Variants in UBE2E2 observed in about 807,000 individuals in gnomAD.
UBE2E2 encodes ubiquitin-conjugating enzyme E2 E2.
In UBE2E2, 6 loss-of-function variants were observed where a neutral mutation model predicts 24.7. The observed-to-expected ratio is 0.24, with a 90% CI of 0.13 to 0.48. The LOEUF (loss-of-function observed/expected upper bound fraction) is 0.48, where lower values mean the gene tolerates loss of function less well. UBE2E2 is among the 20% of genes least tolerant of loss of function. The probability of loss-of-function intolerance (pLI) is 0.99; values close to 1 mark genes in which losing one functional copy is unlikely to be tolerated. For synonymous variants in UBE2E2, 104 were observed against 83.6 expected (o/e 1.24, Z -1.33); for missense variants, 169 against 245.0 (o/e 0.69, Z 2.07).
chr3:23,240,943 T>A (rs78987685), intron 3 of UBE2E2, among the ~76,000 whole-genome samples: 2,467 of 152,324 alleles, frequency 0.016, 38 homozygotes, highest in Non-Finnish European at 0.026. Context: ...GGTTTAATTT[T>A]ATTTAAATTT....
chr3:23,570,155 T>C (rs1392307609), intron 5 of UBE2E2, among the ~76,000 whole-genome samples: 1 of 152,184 alleles, frequency 6.6e-6, no homozygotes, highest in Non-Finnish European at 1.5e-5. Flanking sequence ...GTACCTCCTT[T>C]TTCCCCCTAA....
At chr3:23,459,211 G>A (rs1417123495) in intron 3 of UBE2E2, among the ~76,000 whole-genome samples, 1 of 152,076 alleles carries the variant, frequency 6.6e-6, no homozygotes, top group East Asian at 1.9e-4. Context: ...ATTCTATAAG[G>A]GCTACCCTTT....
At position 23,407,124 on chromosome 3, in the gene UBE2E2, A is replaced by T. The variant is rs1420172138; in HGVS notation, c.228-92484A>T. Among the ~76,000 whole-genome samples the T allele has an allele frequency of 2.0e-5, 3 of 152,182 alleles. No individual in the cohort carries two copies. The highest frequency in any genetic ancestry group is 4.4e-5 in the Non-Finnish European group (3 of 68,022). ...CACATGTTGAAGATATTCTCCAAAG[A>T]TGTCATCAAGAAGGTATAGTCTCCC... On this transcript the variant is annotated intron_variant, in intron 3 of 5. Transcript: ENST00000396703. This position sits in a 1 kb window ranked among gnomAD's most constrained non-coding sequence, Gnocchi z 4.0.
intron 3 of UBE2E2, among the ~76,000 whole-genome samples, chr3:23,365,895 A>C (rs1177871874): frequency 1.3e-5 from 2 of 152,222 alleles, no homozygotes; most frequent in Non-Finnish European, 2.9e-5. Flanking sequence ...AAAAAGCACA[A>C]TAGTGGTACA....
intron 3 of UBE2E2, among the ~76,000 whole-genome samples, chr3:23,440,119 C>CAAAACCCCATCTCTACT (rs1320150522): frequency 6.6e-6 from 1 of 151,936 alleles, no homozygotes; most frequent in Non-Finnish European, 1.5e-5. Context: ...ACTAAAAATA[C>CAAAACCCCATCTCTACT]AAAAATTAGC....
In UBE2E2 at chr3:23,499,758, A is replaced by G. The variant is rs1272906529; in HGVS notation, c.360+18A>G. ...CCCCTAAGGTCAGTATGAAGTTTTC[A>G]TTGATTTTTAGCAATATGGATTATA... On this transcript the variant is annotated intron_variant, in intron 4 of 5. Coordinates refer to ENST00000396703, the MANE Select transcript of UBE2E2 (RefSeq NM_152653.4). The G allele has an allele frequency of 6.2e-7, 1 of 1,607,016 alleles. No homozygotes were observed. Among genetic ancestry groups the G allele is most frequent in the East Asian group, 2.2e-5 (1 of 44,822 alleles).
intron 4 of UBE2E2, among the ~76,000 whole-genome samples, chr3:23,505,314 T>C (rs1462474846): frequency 6.6e-6 from 1 of 152,038 alleles, no homozygotes; most frequent in Admixed American, 6.6e-5. Flanking sequence ...TGCATAGGGG[T>C]AACGCATTTT....
At position 23,280,853 on chromosome 3, in the gene UBE2E2, C is replaced by T. The variant is rs1233366041; in HGVS notation, c.227+63541C>T. ...TTCTTAGAGAATATCTTAGTTTGGGCTGCTGTAACAGAATAAGTCTGGGTG... is the reference window on the plus strand; with the variant it reads ...TTCTTAGAGAATATCTTAGTTTGGGTTGCTGTAACAGAATAAGTCTGGGTG... On this transcript the variant is annotated intron_variant, in intron 3 of 5. Transcript: ENST00000396703. The surrounding 1 kb of genome is among the most constrained non-coding windows in gnomAD (Gnocchi z 4.3). 6.6e-6 allele frequency among the ~76,000 whole-genome samples: 1 copy of T among 152,170 alleles called. No individual in the cohort carries two copies. The highest frequency in any genetic ancestry group is 1.5e-5 in the Non-Finnish European group (1 of 68,034).
At chr3:23,373,444 C>G (rs1356652180) in intron 3 of UBE2E2, among the ~76,000 whole-genome samples, 1 of 152,146 alleles carries the variant, frequency 6.6e-6, no homozygotes, top group Non-Finnish European at 1.5e-5. Context: ...GTTCAAGATT[C>G]CACTAGTTTC....
At chr3:23,381,674 A>C (rs923007789) in intron 3 of UBE2E2, among the ~76,000 whole-genome samples, 2 of 152,234 alleles carry the variant, frequency 1.3e-5, no homozygotes, top group Admixed American at 1.3e-4. Context: ...GATACTGTAT[A>C]ACATTTTATG....
intron 3 of UBE2E2, among the ~76,000 whole-genome samples, chr3:23,485,491 G>T (rs1699346665): frequency 6.6e-6 from 1 of 151,936 alleles, no homozygotes; most frequent in Non-Finnish European, 1.5e-5. Flanking sequence ...TTTTCTTCTT[G>T]AACAGGTCTG....
chr3:23,480,181 G>A (rs1368545704), intron 3 of UBE2E2, among the ~76,000 whole-genome samples: 2 of 152,210 alleles, frequency 1.3e-5, no homozygotes, highest in Non-Finnish European at 2.9e-5. Flanking sequence ...TGCACTCGTA[G>A]GTGTCTAAAG....
chr3:23,469,962 A>G (rs1698999174), intron 3 of UBE2E2, among the ~76,000 whole-genome samples: 2 of 152,222 alleles, frequency 1.3e-5, no homozygotes, highest in Admixed American at 6.5e-5. Flanking sequence ...TTATCTGACA[A>G]GCAACCATGT....
At chr3:23,476,638 T>A (rs564358573) in intron 3 of UBE2E2, among the ~76,000 whole-genome samples, 1 of 152,236 alleles carries the variant, frequency 6.6e-6, no homozygotes, top group African/African-American at 2.4e-5. Context: ...CAGTGAGCTG[T>A]GATCATGCCC....
In UBE2E2 at chr3:23,440,887, T is replaced by C. The variant is rs182437736; in HGVS notation, c.228-58721T>C. On this transcript the variant is annotated intron_variant, in intron 3 of 5. Transcript: ENST00000396703. ...GTAACTGGTTCTTGTTACGGCAATG[T>C]AGCTGTATATTTAAATCCTAAGAGA... Among the ~76,000 whole-genome samples the C allele has an allele frequency of 1.3e-3, 197 of 152,294 alleles. 2 individuals are homozygous for C. The highest frequency in any genetic ancestry group is 2.5e-3 in the South Asian group (12 of 4,820).
chr3:23,354,443 G>T (rs1015729438), intron 3 of UBE2E2, among the ~76,000 whole-genome samples: 2 of 152,082 alleles, frequency 1.3e-5, no homozygotes, highest in Non-Finnish European at 2.9e-5. Context: ...GAGTGAACAG[G>T]CAACCTGCAA....
intron 3 of UBE2E2, among the ~76,000 whole-genome samples, chr3:23,458,908 AAAAC>A (rs1698742452): frequency 6.6e-6 from 1 of 152,232 alleles, no homozygotes; most frequent in Non-Finnish European, 1.5e-5. Flanking sequence ...GAAGCACCGT[AAAAC>A]AAAGGGCAAT....
chr3:23,492,799 T>C (rs2125450696), intron 3 of UBE2E2, among the ~76,000 whole-genome samples: 1 of 152,274 alleles, frequency 6.6e-6, no homozygotes, highest in East Asian at 1.9e-4. Flanking sequence ...ACCTCCCAAC[T>C]TCTTTGATTC....
intron 5 of UBE2E2, among the ~76,000 whole-genome samples, chr3:23,580,261 G>A (rs779908691): frequency 9.2e-5 from 14 of 152,228 alleles, no homozygotes; most frequent in Non-Finnish European, 1.5e-4. Context: ...CACATGCACA[G>A]AGAACTCTTT....
Sources: gnomAD v4.1 joint callset for allele counts (sites outside exome capture counted in the v4.1 genomes callset) on GRCh38, gnomAD v4.1.1 for gene constraint, Gnocchi (gnomAD v3.1) non-coding constraint, MANE v1.5 for transcripts, NCBI Gene and HGNC (gene_info 2026-07-23, HGNC 2026-07-21) for gene names.